The following KIF26B variants were observed in gnomAD, a reference collection of about 807,000 sequenced individuals.
The protein encoded by KIF26B is kinesin-like protein KIF26B.
KIF26B carries 63 observed loss-of-function variants against 151.2 expected under a neutral mutation model. That is an observed-to-expected ratio of 0.42 (90% CI 0.34 to 0.51). The LOEUF is 0.51. Ranked by LOEUF, KIF26B falls within the 20% of genes least tolerant of loss-of-function variation. KIF26B has a pLI of 0.07. For missense variants in KIF26B, 2,813 were observed against 2,913.6 expected (o/e 0.97, Z 0.79); for synonymous variants, 1,357 against 1,262.1 (o/e 1.08, Z -1.59).
chr1:245,661,102 T>A (rs2044132092), intron 10 of KIF26B, among the ~76,000 whole-genome samples: 1 of 151,832 alleles, frequency 6.6e-6, no homozygotes, highest in South Asian at 2.1e-4. Context: ...TTCTCCTGCC[T>A]CAGCCCCCCG....
chr1:245,558,750 G>T (rs1029169225), intron 5 of KIF26B, among the ~76,000 whole-genome samples: 2 of 152,162 alleles, frequency 1.3e-5, no homozygotes, highest in Non-Finnish European at 2.9e-5. Context: ...ACATAACGTC[G>T]GGGAAAACTC....
intron 2 of KIF26B, among the ~76,000 whole-genome samples, chr1:245,285,640 G>GA (rs68008343): frequency 0.014 from 1,862 of 131,074 alleles, 37 homozygotes; most frequent in African/African-American, 0.042. Context: ...TCCTAAAATT[G>GA]AAAAAAAAAA....
chr1:245,280,331 G>T (rs1224334214), intron 2 of KIF26B, among the ~76,000 whole-genome samples: 1 of 148,402 alleles, frequency 6.7e-6, no homozygotes, highest in Non-Finnish European at 1.5e-5. Context: ...GGCTAACACG[G>T]TGAAACCCGT....
chr1:245,459,892 TA>T (rs562947456), intron 4 of KIF26B, among the ~76,000 whole-genome samples: 205 of 143,390 alleles, frequency 1.4e-3, no homozygotes, highest in African/African-American at 4.4e-3. Flanking sequence ...CTCCTCCTCA[TA>T]AACCTTTTTT....
rs565250027 is a variant in KIF26B at position 245,166,860 on chromosome 1, C to T, written c.465+10177C>T. 7.2e-4 allele frequency among the ~76,000 whole-genome samples: 109 copies of T among 152,132 alleles called. 2 individuals carry two copies. The highest frequency in any genetic ancestry group is 1.2e-3 in the Non-Finnish European group (82 of 68,002). ...ATCAGCTCTCAGGGCTGGAGGTGAC[C>T]GTGGAGGAGAGGGATCCTGTGAGCT... On this transcript the variant is annotated intron_variant, in intron 2 of 14. Coordinates refer to ENST00000407071, the MANE Select transcript of KIF26B (RefSeq NM_018012.4). The surrounding 1 kb of genome is among the most constrained non-coding windows in gnomAD (Gnocchi z 4.5).
chr1:245,580,600 AG>A (rs1050216167), intron 5 of KIF26B, among the ~76,000 whole-genome samples: 1 of 152,178 alleles, frequency 6.6e-6, no homozygotes, highest in Non-Finnish European at 1.5e-5. Flanking sequence ...CCAGAGGGCA[AG>A]GGGGTTCTGC....
chr1:245,388,619 G>A lies in KIF26B; in HGVS notation c.999+21252G>A, dbSNP rs144746301. ...TGCCTCCCGCCTTCCCTAGAGAGAA[G>A]TGAATCTAAGTCATGCTGGAAAGGT... On this transcript the variant is annotated intron_variant, in intron 3 of 14. Coordinates refer to ENST00000407071, the MANE Select transcript of KIF26B (RefSeq NM_018012.4). Among the ~76,000 whole-genome samples, 153 of 152,320 alleles carry A rather than the reference G, an allele frequency of 1.0e-3. 1 individual carries two copies. The highest frequency in any genetic ancestry group is 3.6e-3 in the African/African-American group (151 of 41,570).
chr1:245,632,521 A>T (rs1201573136), intron 9 of KIF26B, among the ~76,000 whole-genome samples: 3 of 152,252 alleles, frequency 2.0e-5, no homozygotes, highest in Admixed American at 2.0e-4. Flanking sequence ...CTCTCTAAAT[A>T]TCTGTTCGAT....
intron 5 of KIF26B, among the ~76,000 whole-genome samples, chr1:245,549,705 T>C (rs1572120213): frequency 2.0e-5 from 3 of 152,306 alleles, no homozygotes; most frequent in East Asian, 1.9e-4. Context: ...TCGTATCAAA[T>C]AGAAAATATT....
At chr1:245,515,827 G>T (rs1226808311) in intron 4 of KIF26B, among the ~76,000 whole-genome samples, 4 of 152,146 alleles carry the variant, frequency 2.6e-5, no homozygotes. Context: ...GGGAGGGCTC[G>T]CTCTGTAACT....
chr1:245,654,029 C>A (rs2044048238), intron 10 of KIF26B, among the ~76,000 whole-genome samples: 1 of 152,158 alleles, frequency 6.6e-6, no homozygotes, highest in Non-Finnish European at 1.5e-5. Context: ...TATCACTGCA[C>A]TCCAGCCTGG....
chr1:245,390,324 T>A (rs1673656326), intron 3 of KIF26B, among the ~76,000 whole-genome samples: 1 of 152,010 alleles, frequency 6.6e-6, no homozygotes, highest in African/African-American at 2.4e-5. Flanking sequence ...TTCAAGTGAT[T>A]CTCCTGCCTC....
rs191172010 is a variant in KIF26B at position 245,331,881 on chromosome 1, C to A, written c.466-34953C>A. Among the ~76,000 whole-genome samples, 198 of 152,092 alleles carry A rather than the reference C, an allele frequency of 1.3e-3. 2 individuals are homozygous for A. The highest frequency in any genetic ancestry group is 4.6e-3 in the African/African-American group (189 of 41,480). ...GTGGCTCAGGCCTGTAATCCCAGCA[C>A]TTTGGGAGGCGAGGTGGGCAGATCA... On this transcript the variant is annotated intron_variant, in intron 2 of 14. Transcript: ENST00000407071.
In KIF26B at chr1:245,707,455, AATTT is replaced by A. The variant is rs2044857033; in HGVS notation, c.*4854_*4857del. 6.6e-6 allele frequency: 1 copy of A among 152,222 alleles called. No homozygotes were observed. The highest frequency in any genetic ancestry group is 1.5e-5 in the Non-Finnish European group (1 of 68,044). The allele number at this position is 152,222 out of a possible 1,614,324, so 9.4% of individuals were successfully genotyped here. On this transcript the variant is annotated 3_prime_UTR_variant, in exon 15 of 15. Coordinates refer to ENST00000407071, the MANE Select transcript of KIF26B (RefSeq NM_018012.4). Reference sequence around the variant, plus strand: ...AATATTTGATTTATGAAGAAGTTCTAATTTATTTGTGAACTCAGGATGTTGCTTT... The same window carrying A: ...AATATTTGATTTATGAAGAAGTTCTAATTTGTGAACTCAGGATGTTGCTTT...
chr1:245,241,464 C>G lies in KIF26B; in HGVS notation c.465+84781C>G, dbSNP rs933533044. 2.0e-5 allele frequency among the ~76,000 whole-genome samples: 3 copies of G among 152,174 alleles called. No homozygotes were observed. The highest frequency in any genetic ancestry group is 4.4e-5 in the Non-Finnish European group (3 of 68,032). ...GGGCACCAGCTGGCACTGCTGTGTT[C>G]AGAGCATGGGAGGAAGCAGCAGCAG... On this transcript the variant is annotated intron_variant, in intron 2 of 14. Transcript: ENST00000407071. This position sits in a 1 kb window ranked among gnomAD's most constrained non-coding sequence, Gnocchi z 5.0.
intron 3 of KIF26B, among the ~76,000 whole-genome samples, chr1:245,412,647 T>C (rs978779439): frequency 6.6e-6 from 1 of 152,228 alleles, no homozygotes. Context: ...GTGGTCAAGA[T>C]GGTAACCACA....
At chr1:245,187,331 G>A (rs1156365824) in intron 2 of KIF26B, among the ~76,000 whole-genome samples, 9 of 152,190 alleles carry the variant, frequency 5.9e-5, no homozygotes, top group African/African-American at 9.7e-5. Flanking sequence ...AATAGAGAAA[G>A]ACAGACAGTG....
At chr1:245,193,875 T>C (rs891059653) in intron 2 of KIF26B, among the ~76,000 whole-genome samples, 4 of 152,210 alleles carry the variant, frequency 2.6e-5, no homozygotes, top group African/African-American at 9.6e-5. Flanking sequence ...GGCAAATCAA[T>C]GGCAGAGAAA....
chr1:245,202,513 C>T (rs1450809096), intron 2 of KIF26B, among the ~76,000 whole-genome samples: 10 of 152,186 alleles, frequency 6.6e-5, no homozygotes, highest in African/African-American at 2.4e-4. Context: ...AATCCCAGCA[C>T]TTTGGGGGGC....
Sources: allele counts gnomAD v4.1 joint callset (sites outside exome capture counted in the v4.1 genomes callset), GRCh38; gene constraint gnomAD v4.1.1; non-coding constraint Gnocchi (gnomAD v3.1); transcripts MANE v1.5; gene names NCBI Gene and HGNC (gene_info 2026-07-23, HGNC 2026-07-21).